CDK17: variants seen among roughly 807,000 people sequenced by gnomAD.
CDK17 encodes cyclin dependent kinase 17, also known as cyclin-dependent kinase 17.
CDK17 carries 24 observed loss-of-function variants against 77.6 expected under a neutral mutation model. The ratio of observed to expected loss-of-function variants is 0.31; its 90% CI spans 0.22 to 0.44. The LOEUF (loss-of-function observed/expected upper bound fraction) is 0.44, where lower values mean the gene tolerates loss of function less well. Ranked by LOEUF, CDK17 falls within the 20% of genes least tolerant of loss-of-function variation. The pLI is 1.00. For synonymous variants in CDK17, 203 were observed against 210.4 expected (o/e 0.96, Z 0.30); for missense variants, 429 against 622.5 (o/e 0.69, Z 3.31).
chr12:96,362,145 T>C (rs1747761653), intron 1 of CDK17, among the ~76,000 whole-genome samples: 1 of 152,208 alleles, frequency 6.6e-6, no homozygotes, highest in Admixed American at 6.5e-5. Flanking sequence ...TCATGTGTCC[T>C]TTCATGGACT....
chr12:96,379,544 G>T (rs1953842281), intron 1 of CDK17, among the ~76,000 whole-genome samples: 1 of 151,840 alleles, frequency 6.6e-6, no homozygotes, highest in South Asian at 2.1e-4. Context: ...CACAGGTTGA[G>T]CTTCTTGAGT....
intron 1 of CDK17, among the ~76,000 whole-genome samples, chr12:96,368,809 G>A (rs866399101): frequency 0.18 from 1,800 of 10,102 alleles, 226 homozygotes; most frequent in African/African-American, 0.35. Context: ...TCTAAGACGG[G>A]GGGGGGGGGG....
chr12:96,370,129 T>G (rs1195931493), intron 1 of CDK17, among the ~76,000 whole-genome samples: 2 of 152,232 alleles, frequency 1.3e-5, no homozygotes, highest in African/African-American at 4.8e-5. Flanking sequence ...GTTTAGGATA[T>G]TCTGCAAATT....
At chr12:96,333,717 A>C (rs1380591308) in intron 2 of CDK17, among the ~76,000 whole-genome samples, 1 of 152,114 alleles carries the variant, frequency 6.6e-6, no homozygotes, top group Non-Finnish European at 1.5e-5. Flanking sequence ...AACCTTAACA[A>C]ATGAATGAAA....
intron 3 of CDK17, among the ~76,000 whole-genome samples, chr12:96,322,957 GA>G (rs36086453): frequency 6.6e-6 from 1 of 152,034 alleles, no homozygotes; most frequent in Non-Finnish European, 1.5e-5. Context: ...AGTTCTCACA[GA>G]AAAAATCTCA....
chr12:96,343,588 T>C (rs932738050), intron 1 of CDK17, among the ~76,000 whole-genome samples: 3 of 152,216 alleles, frequency 2.0e-5, no homozygotes, highest in African/African-American at 4.8e-5. Flanking sequence ...TTAAACCAGA[T>C]ATTGTTATAT....
rs189941357 is a variant in CDK17 at position 96,309,939 on chromosome 12, A to G, written c.543+1113T>C. On this transcript the variant is annotated intron_variant, in intron 5 of 16. Transcript: ENST00000261211. Reference sequence around the variant, plus strand: ...CTCTGGAAAGCTGTTGACAGTATCTAGGGAAGCAGAATATAATGCAACAAT... The same window carrying G: ...CTCTGGAAAGCTGTTGACAGTATCTGGGGAAGCAGAATATAATGCAACAAT... 9.8e-5 allele frequency among the ~76,000 whole-genome samples: 15 copies of G among 152,368 alleles called. No individual in the cohort carries two copies. In the East Asian group the frequency reaches 2.5e-3, roughly 25 times the overall value.
At chr12:96,313,646 T>C (rs1952671910) in intron 3 of CDK17, among the ~76,000 whole-genome samples, 192 bp from the exon 4 acceptor site, 1 of 152,208 alleles carries the variant, frequency 6.6e-6, no homozygotes, top group African/African-American at 2.4e-5. Context: ...GTATGAAATC[T>C]TTTTACACTT....
At chr12:96,368,202 T>C (rs1325300298) in intron 1 of CDK17, among the ~76,000 whole-genome samples, 1 of 152,220 alleles carries the variant, frequency 6.6e-6, no homozygotes, top group Non-Finnish European at 1.5e-5. Context: ...AAGGGAAAAC[T>C]GGAAGATGGT....
chr12:96,320,094 A>G (rs1952794803), intron 3 of CDK17, among the ~76,000 whole-genome samples: 2 of 152,240 alleles, frequency 1.3e-5, no homozygotes. Flanking sequence ...CAACTTCAGC[A>G]AAGTCTCAGG....
chr12:96,381,742 A>T (rs374624684), intron 1 of CDK17, among the ~76,000 whole-genome samples: 106 of 152,224 alleles, frequency 7.0e-4, no homozygotes, highest in African/African-American at 2.5e-3. Flanking sequence ...ATATAAAAAG[A>T]GATGGATCAC....
chr12:96,308,856 G>A (rs898151249), intron 5 of CDK17, among the ~76,000 whole-genome samples: 1 of 151,734 alleles, frequency 6.6e-6, no homozygotes, highest in Admixed American at 6.6e-5. Flanking sequence ...TGGGTATTAG[G>A]TGGTATTTTA....
chr12:96,307,824 G>A (rs754226137), intron 5 of CDK17, among the ~76,000 whole-genome samples: 3 of 152,030 alleles, frequency 2.0e-5, no homozygotes, highest in East Asian at 1.9e-4. Context: ...AGCCGAGATC[G>A]CGCCATTGTA....
At chr12:96,363,978 T>A (rs576139848) in intron 1 of CDK17, among the ~76,000 whole-genome samples, 2 of 152,348 alleles carry the variant, frequency 1.3e-5, no homozygotes, top group Admixed American at 1.3e-4. Context: ...TACAGCATAA[T>A]CCTCTTTAGA....
At chr12:96,345,867 AAAATT>A (rs1411216845) in intron 1 of CDK17, among the ~76,000 whole-genome samples, 5 of 152,238 alleles carry the variant, frequency 3.3e-5, no homozygotes, top group Non-Finnish European at 7.3e-5. Flanking sequence ...CAAAAATAAA[AAAATT>A]AAGGAGTTAG....
At chr12:96,299,305 A>T (rs1302740383) in intron 6 of CDK17, among the ~76,000 whole-genome samples, 1 of 152,200 alleles carries the variant, frequency 6.6e-6, no homozygotes, top group Non-Finnish European at 1.5e-5. Context: ...CTTTACCTGC[A>T]ATGGTATATG....
At chr12:96,385,635 T>TA (rs945137893) in intron 1 of CDK17, among the ~76,000 whole-genome samples, 17 of 151,910 alleles carry the variant, frequency 1.1e-4, no homozygotes, top group South Asian at 1.0e-3. Flanking sequence ...TTTGGTACCT[T>TA]AAAAAAAACA....
At chr12:96,319,887 C>A (rs1379481299) in intron 3 of CDK17, among the ~76,000 whole-genome samples, 5 of 145,760 alleles carry the variant, frequency 3.4e-5, no homozygotes, top group Admixed American at 1.4e-4. Flanking sequence ...TGAAAACTGG[C>A]ACAAGACAGG....
At chr12:96,296,002 A>G (rs946929850) in intron 9 of CDK17, among the ~76,000 whole-genome samples, 4 of 152,222 alleles carry the variant, frequency 2.6e-5, no homozygotes, top group African/African-American at 9.6e-5. Flanking sequence ...CAGCAGGTCA[A>G]CGGTATGCCT....
Sources: gnomAD v4.1 joint callset for allele counts (sites outside exome capture counted in the v4.1 genomes callset) on GRCh38, gnomAD v4.1.1 for gene constraint, MANE v1.5 for transcripts, NCBI Gene and HGNC (gene_info 2026-07-23, HGNC 2026-07-21) for gene names.